The following ARHGEF2 variants were observed in gnomAD, a reference collection of about 807,000 sequenced individuals.
ARHGEF2 encodes rho guanine nucleotide exchange factor 2.
A neutral mutation model predicts 121.0 loss-of-function variants in ARHGEF2; 22 were observed. That is an observed-to-expected ratio of 0.18 (90% confidence interval 0.13 to 0.26). ARHGEF2 has a LOEUF of 0.26. Among genes scored for constraint, ARHGEF2 ranks in the 10% least tolerant of loss-of-function variants. The pLI is 1.00. For synonymous variants in ARHGEF2, 487 were observed against 530.0 expected (o/e 0.92, Z 1.11); for missense variants, 907 against 1,336.0 (o/e 0.68, Z 5.01).
chr1:155,976,901 G>A (rs1269041737), intron 1 of ARHGEF2, among the ~76,000 whole-genome samples: 1 of 152,006 alleles, frequency 6.6e-6, no homozygotes, highest in African/African-American at 2.4e-5. Context: ...ATCCCCAGTT[G>A]CTTTCCAGAT....
chr1:155,977,871 G>A (rs1012032205), intron 1 of ARHGEF2, among the ~76,000 whole-genome samples: 1 of 152,182 alleles, frequency 6.6e-6, no homozygotes, highest in Non-Finnish European at 1.5e-5. Flanking sequence ...GGAGGAAGCC[G>A]GGAAACCACC....
chr1:155,953,951 T>G (rs1468689340), intron 14 of ARHGEF2, among the ~76,000 whole-genome samples: 1 of 152,032 alleles, frequency 6.6e-6, no homozygotes, highest in African/African-American at 2.4e-5. Flanking sequence ...ACTGTTATGT[T>G]GACAGCAATA....
At chr1:155,952,923 C>A in intron 14 of ARHGEF2, 95 bp from the exon 15 acceptor site, 2 of 1,137,244 alleles carry the variant, frequency 1.8e-6, no homozygotes, top group South Asian at 1.4e-5. Flanking sequence ...TAGGGTGGGG[C>A]AGTGTGGCAG....
At chr1:155,972,457 G>A in intron 1 of ARHGEF2, 1 of 354,384 alleles carries the variant, frequency 2.8e-6, no homozygotes, top group Non-Finnish European at 5.8e-6. Flanking sequence ...AGGGGTGCCT[G>A]CTCCAGAGGT....
At chr1:155,976,008 G>A (rs957795526) in intron 1 of ARHGEF2, among the ~76,000 whole-genome samples, 20 of 151,850 alleles carry the variant, frequency 1.3e-4, no homozygotes, top group Non-Finnish European at 1.9e-4. Flanking sequence ...GCATGGAGGG[G>A]GCTACACAGA....
chr1:155,971,027 C>A (rs1430700081), intron 1 of ARHGEF2: 54 of 986,736 alleles, frequency 5.5e-5, no homozygotes, highest in Non-Finnish European at 5.9e-5. Flanking sequence ...GCTCTGCCTT[C>A]CCTTTCTCAG....
At chr1:155,972,171 G>C (rs1057399617) in intron 1 of ARHGEF2, 37 of 434,890 alleles carry the variant, frequency 8.5e-5, no homozygotes, top group South Asian at 8.1e-5. Flanking sequence ...AGGGTCTCTA[G>C]TGGCCCTTCC....
Position 155,952,704 on chromosome 1 carries a change from C to T in ARHGEF2, c.1908G>A (p.Leu636=), listed in dbSNP as rs1232528883. ...DGGSGMALPT[L]PRGLFRSESL... ...ACTCAGAGCGGAAAAGGCCCCTGGG[C>T]AGGGTGGGCAGGGCCATCCCACTGC... The change falls in exon 15 of 22, where the codon CTG becomes CTA. Residue 636 remains leucine, a synonymous_variant. Coordinates refer to ENST00000361247, the MANE Select transcript of ARHGEF2 (RefSeq NM_001162383.2). 2 of 1,614,066 alleles carry T rather than the reference C, an allele frequency of 1.2e-6. No homozygotes were observed. The highest frequency in any genetic ancestry group is 1.3e-5 in the African/African-American group (1 of 74,936).
Position 155,951,562 on chromosome 1 carries a change from C to T in ARHGEF2, c.2209-29G>A, listed in dbSNP as rs1407159154. The T allele has an allele frequency of 1.2e-6, 2 of 1,613,936 alleles. No homozygotes were observed. Among genetic ancestry groups the T allele is most frequent in the Non-Finnish European group, 1.7e-6 (2 of 1,180,006 alleles). Reference sequence around the variant, plus strand: ...AGGACAGACAGGGTGGGAACAGGGCCCCAGCTTTAGGATGGGAGAACTGCC... The same window carrying T: ...AGGACAGACAGGGTGGGAACAGGGCTCCAGCTTTAGGATGGGAGAACTGCC... On this transcript the variant is annotated intron_variant, in intron 18 of 21. Coordinates refer to ENST00000361247, the MANE Select transcript of ARHGEF2 (RefSeq NM_001162383.2). This position sits in a 1 kb window ranked among gnomAD's most constrained non-coding sequence, Gnocchi z 5.1.
intron 1 of ARHGEF2, chr1:155,972,331 G>T: frequency 2.2e-6 from 1 of 459,640 alleles, no homozygotes. Flanking sequence ...CCCAGCATGG[G>T]CACTGCCCAG....
chr1:155,949,670 C>T (rs544587764), intron 21 of ARHGEF2, among the ~76,000 whole-genome samples: 155 of 150,842 alleles, frequency 1.0e-3, no homozygotes, highest in Middle Eastern at 3.5e-3. Context: ...CGAGGTCAGC[C>T]GTTCAAGACC....
chr1:155,953,045 G>T (rs1386662480), intron 14 of ARHGEF2, among the ~76,000 whole-genome samples: 1 of 151,968 alleles, frequency 6.6e-6, no homozygotes, highest in African/African-American at 2.4e-5. Flanking sequence ...CAGGTGGATC[G>T]CTTGAGGCCA....
intron 1 of ARHGEF2, among the ~76,000 whole-genome samples, chr1:155,973,350 T>C (rs1680793040): frequency 6.6e-6 from 1 of 152,160 alleles, no homozygotes; most frequent in African/African-American, 2.4e-5. Flanking sequence ...TCTCTCCTAT[T>C]TCCTTTGAGT....
rs1430720091 is a variant in ARHGEF2, at chr1:155,962,059, C to T, written c.1219+46G>A. The T allele has an allele frequency of 6.2e-7, 1 of 1,610,890 alleles. No individual in the cohort carries two copies. The highest frequency in any genetic ancestry group is 8.5e-7 in the Non-Finnish European group (1 of 1,177,404). ...GGTCATACCGAGCCTTTCCTCACCCCAGGTGGCCGTCTCCCAGTGGCCCTC... is the reference window on the plus strand; with the variant it reads ...GGTCATACCGAGCCTTTCCTCACCCTAGGTGGCCGTCTCCCAGTGGCCCTC... On this transcript the variant is annotated intron_variant, in intron 10 of 21. Coordinates refer to ENST00000361247, the MANE Select transcript of ARHGEF2 (RefSeq NM_001162383.2). This position sits in a 1 kb window ranked among gnomAD's most constrained non-coding sequence, Gnocchi z 5.8.
At chr1:155,963,520 A>G (rs1488415542) in intron 7 of ARHGEF2, among the ~76,000 whole-genome samples, 7 of 150,740 alleles carry the variant, frequency 4.6e-5, no homozygotes, top group African/African-American at 1.7e-4. Context: ...TAATTTTTGT[A>G]TTTTTAGTAG....
intron 15 of ARHGEF2, 102 bp from the exon 16 acceptor site, chr1:155,952,337 C>T: frequency 2.0e-6 from 3 of 1,503,656 alleles, no homozygotes; most frequent in Admixed American, 3.8e-5. Flanking sequence ...TGGGGGAATG[C>T]CCCCTGCACT....
intron 21 of ARHGEF2, among the ~76,000 whole-genome samples, chr1:155,949,907 T>C (rs1675069431): frequency 6.6e-6 from 1 of 151,664 alleles, no homozygotes; most frequent in Non-Finnish European, 1.5e-5. Flanking sequence ...ATTAATTAAA[T>C]AAAATAAAAA....
chr1:155,951,507 G>C lies in ARHGEF2; in HGVS notation c.2235C>G (p.Leu745=), dbSNP rs1229597863. 8.1e-6 allele frequency: 13 copies of C among 1,614,076 alleles called. No individual in the cohort carries two copies. Among genetic ancestry groups the C allele is most frequent in the Non-Finnish European group, 1.1e-5 (13 of 1,180,044 alleles). ...QEEALQRLVN[L]YGLLHGLQAA... is the part of the protein sequence containing the mutation. ...CCTGTAGGCCATGTAGAAGTCCATA[G>C]AGATTGACCAATCGCTGTAACGCCT... Residue 745 remains leucine, a synonymous_variant, in exon 19 of 22, where the codon CTC becomes CTG. Transcript: ENST00000361247. The surrounding 1 kb of genome is among the most constrained non-coding windows in gnomAD (Gnocchi z 5.1).
chr1:155,972,468 GGAGT>G (rs1040237097), intron 1 of ARHGEF2: 1 of 345,988 alleles, frequency 2.9e-6, no homozygotes, highest in African/African-American at 2.1e-5. Flanking sequence ...CTCCAGAGGT[GGAGT>G]GAGTGGGCTT....
Sources: gnomAD v4.1 joint callset for allele counts (sites outside exome capture counted in the v4.1 genomes callset) on GRCh38, gnomAD v4.1.1 for gene constraint, Gnocchi (gnomAD v3.1) non-coding constraint, MANE v1.5 for transcripts, NCBI Gene and HGNC (gene_info 2026-07-23, HGNC 2026-07-21) for gene names.